Variants in BNC2 observed in about 807,000 individuals in gnomAD.
BNC2 encodes basonuclin zinc finger protein 2.
A neutral mutation model predicts 76.3 loss-of-function variants in BNC2; 20 were observed. The observed-to-expected ratio is 0.26, with a 90% CI of 0.18 to 0.38. The LOEUF (loss-of-function observed/expected upper bound fraction) is 0.38. Among genes scored for constraint, BNC2 ranks in the 10% least tolerant of loss-of-function variants. BNC2 has a pLI of 1.00. For missense variants in BNC2, 1,382 were observed against 1,399.8 expected (o/e 0.99, Z 0.20); for synonymous variants, 582 against 514.8 (o/e 1.13, Z -1.77).
chr9:16,475,402 T>C (rs763045792), intron 5 of BNC2, among the ~76,000 whole-genome samples: 5 of 152,174 alleles, frequency 3.3e-5, no homozygotes, highest in Non-Finnish European at 7.3e-5. Flanking sequence ...AAAAAGCTAA[T>C]GGGCTCTCTA....
At chr9:16,755,687 G>A (rs1825365061) in intron 1 of BNC2, among the ~76,000 whole-genome samples, 3 of 151,992 alleles carry the variant, frequency 2.0e-5, no homozygotes, top group South Asian at 2.1e-4. Flanking sequence ...TCATTTCCGG[G>A]GCAGTGTCTA....
At chr9:16,780,235 CAAAAA>C (rs372583425) in intron 1 of BNC2, among the ~76,000 whole-genome samples, 32 of 66,310 alleles carry the variant, frequency 4.8e-4, no homozygotes, top group Non-Finnish European at 7.6e-4. Flanking sequence ...GACTTCGTTT[CAAAAA>C]AAAAAAAAAA....
intron 5 of BNC2, among the ~76,000 whole-genome samples, chr9:16,468,888 T>C (rs576989227): frequency 3.3e-5 from 5 of 152,232 alleles, no homozygotes; most frequent in Middle Eastern, 3.4e-3. Flanking sequence ...TCCCCAATAA[T>C]ACAAATATCA....
At chr9:16,629,389 A>G (rs1821095221) in intron 3 of BNC2, among the ~76,000 whole-genome samples, 1 of 152,208 alleles carries the variant, frequency 6.6e-6, no homozygotes, top group South Asian at 2.1e-4. Flanking sequence ...TTAATTAGAG[A>G]AGATCTTGGC....
rs1362862251 is a variant in BNC2 at position 16,419,587 on chromosome 9, A to T, written c.2702T>A (p.Leu901Gln). ...GCTAAGGGAGGGCTGCGACGAGTCC[A>T]GGCCCATGTCATCGAGTTCTTTGGT... The part of the protein sequence containing the change: ...LLTKELDDMG[L>Q]DSSQPSLSKD... Residue 901 changes from leucine to glutamine, a missense_variant, in exon 7 of 7, where the codon CTG (leucine) becomes CAG (glutamine). Leu to Gln is a moderately radical substitution (Grantham distance 113, BLOSUM62 -2). Around this residue, in one of 3 missense-constraint regions of BNC2, gnomAD observed 798 missense variants for 775.5 expected, o/e 1.03. Coordinates refer to ENST00000380672, the MANE Select transcript of BNC2 (RefSeq NM_017637.6). The T allele has an allele frequency of 6.3e-7, 1 of 1,589,576 alleles. No homozygotes were observed. The highest frequency in any genetic ancestry group is 1.7e-5 in the Admixed American group (1 of 58,482).
At chr9:16,676,312 ATG>A (rs1238184361) in intron 3 of BNC2, among the ~76,000 whole-genome samples, 1 of 152,222 alleles carries the variant, frequency 6.6e-6, no homozygotes, top group African/African-American at 2.4e-5. Flanking sequence ...TATATATGAC[ATG>A]TGTGTATGTA....
At chr9:16,732,351 C>T (rs1313283682) in intron 2 of BNC2, among the ~76,000 whole-genome samples, 1 of 151,978 alleles carries the variant, frequency 6.6e-6, no homozygotes, top group Admixed American at 6.6e-5. Flanking sequence ...AAGCACATTG[C>T]TTTCATAAAA....
intron 3 of BNC2, among the ~76,000 whole-genome samples, chr9:16,583,933 T>C (rs1338807876): frequency 1.3e-5 from 2 of 152,192 alleles, no homozygotes; most frequent in Admixed American, 6.5e-5. Context: ...AATGAATCCA[T>C]AGAAAATTAG....
intron 4 of BNC2, among the ~76,000 whole-genome samples, chr9:16,574,764 T>C (rs1819434755): frequency 6.6e-6 from 1 of 152,358 alleles, no homozygotes; most frequent in African/African-American, 2.4e-5. Context: ...CCTAAAATTG[T>C]TGTGCCAGAA....
intron 1 of BNC2, among the ~76,000 whole-genome samples, chr9:16,773,018 G>A (rs772332878): frequency 3.7e-4 from 57 of 152,308 alleles, no homozygotes; most frequent in Admixed American, 1.0e-3. Context: ...GACTCCGGGT[G>A]CAAAGAGGCT....
intron 3 of BNC2, among the ~76,000 whole-genome samples, chr9:16,689,645 T>A (rs1214612312): frequency 1.3e-4 from 19 of 141,164 alleles, no homozygotes; most frequent in Non-Finnish European, 2.2e-4. Context: ...AATGTAAGTT[T>A]AAAAAAAAAA....
chr9:16,761,038 T>C (rs1825537465), intron 1 of BNC2, among the ~76,000 whole-genome samples: 1 of 150,694 alleles, frequency 6.6e-6, no homozygotes, highest in African/African-American at 2.4e-5. Context: ...AGCCCAAGAG[T>C]TCAAGACCAG....
At chr9:16,445,340 T>C (rs922582400) in intron 5 of BNC2, among the ~76,000 whole-genome samples, 7 of 152,194 alleles carry the variant, frequency 4.6e-5, no homozygotes, top group African/African-American at 1.4e-4. Context: ...CCATTCTCTA[T>C]TCACACAAAG....
intron 3 of BNC2, among the ~76,000 whole-genome samples, chr9:16,603,809 C>T (rs1331115245): frequency 6.6e-6 from 1 of 152,142 alleles, no homozygotes; most frequent in African/African-American, 2.4e-5. Flanking sequence ...GAAAAATATA[C>T]ACTTTTCTTT....
intron 1 of BNC2, chr9:16,832,202 C>G: frequency 9.4e-7 from 1 of 1,065,350 alleles, no homozygotes; most frequent in South Asian, 1.4e-5. Flanking sequence ...ACAAGGTAGT[C>G]TTCAAAGGAA....
chr9:16,423,273 C>T (rs1354948591), intron 6 of BNC2, among the ~76,000 whole-genome samples: 1 of 152,152 alleles, frequency 6.6e-6, no homozygotes, highest in African/African-American at 2.4e-5. Context: ...GAACTTCTTA[C>T]ATTCTATAAG....
At chr9:16,799,922 A>C (rs537991997) in intron 1 of BNC2, among the ~76,000 whole-genome samples, 124 of 152,266 alleles carry the variant, frequency 8.1e-4, no homozygotes, top group Admixed American at 1.4e-3. Context: ...TTTGGCTCAC[A>C]CAGAGAAGAA....
At chr9:16,668,501 A>G (rs1377182557) in intron 3 of BNC2, among the ~76,000 whole-genome samples, 3 of 152,222 alleles carry the variant, frequency 2.0e-5, no homozygotes, top group Non-Finnish European at 4.4e-5. Context: ...AGTGGTAAAC[A>G]TACTTAACAA....
rs150251517 is a variant in BNC2 at position 16,853,068 on chromosome 9, A to G, written c.3+17578T>C. Among the ~76,000 whole-genome samples the G allele has an allele frequency of 7.4e-3, 1,133 of 152,310 alleles. 13 individuals carry two copies. The highest frequency in any genetic ancestry group is 0.027 in the Middle Eastern group (8 of 294). ...GTGATCAACCTGTGGATAGTCTTCT[A>G]GGAGTAGTGGGAGGAGAGAGGCAAG... On this transcript the variant is annotated intron_variant, in intron 1 of 6. Coordinates refer to ENST00000380672, the MANE Select transcript of BNC2 (RefSeq NM_017637.6).
Sources: allele counts gnomAD v4.1 joint callset (sites outside exome capture counted in the v4.1 genomes callset), GRCh38; gene constraint gnomAD v4.1.1; regional missense constraint gnomAD v4.1.1; transcripts MANE v1.5; gene names NCBI Gene and HGNC (gene_info 2026-07-23, HGNC 2026-07-21).